STAG1: variants seen among roughly 807,000 people sequenced by gnomAD.
STAG1 encodes STAG1 cohesin complex component.
STAG1 carries 26 observed loss-of-function variants against 170.9 expected under a neutral mutation model. The observed-to-expected ratio is 0.15, with a 90% confidence interval of 0.11 to 0.21. The LOEUF is 0.21. Ranked by LOEUF, STAG1 falls within the 10% of genes least tolerant of loss-of-function variation. STAG1 has a pLI of 1.00. For missense variants in STAG1, 964 were observed against 1,509.5 expected (o/e 0.64, Z 5.99); for synonymous variants, 514 against 497.7 (o/e 1.03, Z -0.44).
chr3:136,728,155 T>C (rs1215816513), intron 1 of STAG1, among the ~76,000 whole-genome samples: 1 of 151,582 alleles, frequency 6.6e-6, no homozygotes, highest in Non-Finnish European at 1.5e-5. Flanking sequence ...CGAAAGCCCA[T>C]TTCAAAAAAA....
intron 5 of STAG1, among the ~76,000 whole-genome samples, chr3:136,555,385 T>C (rs1324067996): frequency 6.6e-6 from 1 of 151,320 alleles, no homozygotes; most frequent in Non-Finnish European, 1.5e-5. Flanking sequence ...TAAATGAGTT[T>C]TTAAAAAGTG....
At chr3:136,460,556 T>C (rs2089244822) in intron 13 of STAG1, among the ~76,000 whole-genome samples, 1 of 152,020 alleles carries the variant, frequency 6.6e-6, no homozygotes, top group Non-Finnish European at 1.5e-5. Context: ...AAGCCGAGAC[T>C]GTGCCATTGT....
intron 1 of STAG1, among the ~76,000 whole-genome samples, chr3:136,711,816 T>G (rs746807979): frequency 6.6e-6 from 1 of 151,980 alleles, no homozygotes; most frequent in Non-Finnish European, 1.5e-5. Flanking sequence ...AAAATAAAAC[T>G]TGACCTAAAA....
chr3:136,464,357 A>C (rs761107267), intron 13 of STAG1, among the ~76,000 whole-genome samples: 2 of 152,102 alleles, frequency 1.3e-5, no homozygotes, highest in Non-Finnish European at 2.9e-5. Context: ...TGGGAGGCAG[A>C]AGTTGTGGTG....
intron 7 of STAG1, among the ~76,000 whole-genome samples, chr3:136,505,657 A>G (rs1933720971): frequency 6.6e-6 from 1 of 152,248 alleles, no homozygotes; most frequent in South Asian, 2.1e-4. Flanking sequence ...TATTAGAGAT[A>G]CACAAGTGAA....
At chr3:136,705,637 AAAG>A (rs1943208385) in intron 1 of STAG1, among the ~76,000 whole-genome samples, 1 of 149,494 alleles carries the variant, frequency 6.7e-6, no homozygotes, top group South Asian at 2.1e-4. Context: ...ATGGTTTTAT[AAAG>A]AAGAGCTTTC....
At position 136,707,141 on chromosome 3, in the gene STAG1, G is replaced by A. The variant is rs867408982; in HGVS notation, c.-84+45054C>T. Among the ~76,000 whole-genome samples, 4 of 152,258 alleles carry A rather than the reference G, an allele frequency of 2.6e-5. 1 individual carries two copies. In the South Asian group the frequency reaches 6.2e-4, roughly 24 times the overall value. ...AAACATAGAAGTAACCTACTCCACTGAATTTGGAAATGGTTTCTTACATGA... is the reference window on the plus strand; with the variant it reads ...AAACATAGAAGTAACCTACTCCACTAAATTTGGAAATGGTTTCTTACATGA... On this transcript the variant is annotated intron_variant, in intron 1 of 33. Transcript: ENST00000383202.
At chr3:136,358,260 T>C (rs1031619499) in intron 27 of STAG1, among the ~76,000 whole-genome samples, 9 of 152,008 alleles carry the variant, frequency 5.9e-5, no homozygotes, top group Non-Finnish European at 1.3e-4. Flanking sequence ...AATTTTTGCA[T>C]TTTTTGTAGA....
intron 2 of STAG1, among the ~76,000 whole-genome samples, chr3:136,624,471 T>G (rs1024459226): frequency 2.6e-5 from 4 of 152,202 alleles, no homozygotes; most frequent in African/African-American, 9.6e-5. Flanking sequence ...GTGGTTTCTA[T>G]TTTTGTTCAC....
chr3:136,361,755 G>T (rs1262855751), intron 26 of STAG1, among the ~76,000 whole-genome samples: 2 of 152,012 alleles, frequency 1.3e-5, no homozygotes, highest in South Asian at 2.1e-4. Context: ...GGACTACGGG[G>T]TGCGTGCCAA....
chr3:136,594,635 C>A (rs1335912242), intron 4 of STAG1, among the ~76,000 whole-genome samples: 1 of 152,150 alleles, frequency 6.6e-6, no homozygotes, highest in East Asian at 1.9e-4. Flanking sequence ...ATTAATAGAT[C>A]ATTTGATTGG....
intron 7 of STAG1, chr3:136,518,385 T>A: frequency 1.4e-6 from 1 of 700,470 alleles, no homozygotes; most frequent in Non-Finnish European, 2.6e-6. Context: ...TAAATGTTCC[T>A]GCCCATTTTA....
intron 9 of STAG1, 29 bp downstream of exon 9, chr3:136,500,194 C>A: frequency 2.2e-6 from 3 of 1,362,408 alleles, no homozygotes; most frequent in South Asian, 1.2e-5. Flanking sequence ...AAGTGAAAAG[C>A]CTTCAAAATT....
intron 7 of STAG1, among the ~76,000 whole-genome samples, chr3:136,513,737 A>G (rs113884368): frequency 4.6e-5 from 7 of 152,306 alleles, no homozygotes; most frequent in African/African-American, 1.4e-4. Context: ...AGTCTCAAAT[A>G]CATATTTCCC....
intron 1 of STAG1, among the ~76,000 whole-genome samples, chr3:136,701,201 T>G (rs1474089220): frequency 6.6e-6 from 1 of 152,186 alleles, no homozygotes; most frequent in Non-Finnish European, 1.5e-5. Context: ...CTATTTTAAG[T>G]TGACATGACA....
At chr3:136,613,579 C>G (rs1055326662) in intron 3 of STAG1, among the ~76,000 whole-genome samples, 3 of 152,078 alleles carry the variant, frequency 2.0e-5, no homozygotes, top group Non-Finnish European at 4.4e-5. Flanking sequence ...CTCTGCCTCC[C>G]AGGTTCAGGT....
At chr3:136,665,566 T>G (rs1345486891) in intron 1 of STAG1, among the ~76,000 whole-genome samples, 1 of 150,930 alleles carries the variant, frequency 6.6e-6, no homozygotes, top group Non-Finnish European at 1.5e-5. Flanking sequence ...GATCACGAGG[T>G]CAGGAGATCG....
chr3:136,400,160 C>T (rs1050514963), intron 21 of STAG1, among the ~76,000 whole-genome samples: 2 of 152,036 alleles, frequency 1.3e-5, no homozygotes, highest in African/African-American at 4.8e-5. Flanking sequence ...TGGACTCAAG[C>T]AATCCACCTG....
At chr3:136,371,681 T>C (rs1268369978) in intron 23 of STAG1, among the ~76,000 whole-genome samples, 1 of 152,204 alleles carries the variant, frequency 6.6e-6, no homozygotes, top group Non-Finnish European at 1.5e-5. Context: ...TGCGGCATTA[T>C]TTCTGAGGGC....
Sources: allele counts gnomAD v4.1 joint callset (sites outside exome capture counted in the v4.1 genomes callset), GRCh38; gene constraint gnomAD v4.1.1; transcripts MANE v1.5; gene names NCBI Gene and HGNC (gene_info 2026-07-23, HGNC 2026-07-21).